The following C1orf21 variants were observed in gnomAD, a reference collection of about 807,000 sequenced individuals.
C1orf21 encodes the protein uncharacterized protein C1orf21.
A neutral mutation model predicts 18.7 loss-of-function variants in C1orf21; 3 were observed. That is an observed-to-expected ratio of 0.16 (90% CI 0.07 to 0.42). The LOEUF is 0.42. Ranked by LOEUF, C1orf21 falls within the 10% of genes least tolerant of loss-of-function variation. C1orf21 has a pLI of 0.99. For missense variants in C1orf21, 104 were observed against 143.6 expected, an observed-to-expected ratio of 0.72 and a Z score of 1.41; for synonymous variants, 41 against 46.4, an observed-to-expected ratio of 0.88 and a Z score of 0.47.
chr1:184,593,084 A>G (rs1449455581), intron 4 of C1orf21, among the ~76,000 whole-genome samples: 1 of 152,230 alleles, frequency 6.6e-6, no homozygotes, highest in Non-Finnish European at 1.5e-5. Flanking sequence ...GGATGTCTGA[A>G]AAATGCTATT....
intron 3 of C1orf21, among the ~76,000 whole-genome samples, chr1:184,543,353 A>G (rs1004785963): frequency 1.3e-5 from 2 of 152,174 alleles, no homozygotes; most frequent in Non-Finnish European, 2.9e-5. Context: ...AAGAAGAAAA[A>G]AAAAATCTTT....
intron 3 of C1orf21, among the ~76,000 whole-genome samples, chr1:184,510,300 CA>C (rs1235884856): frequency 6.6e-6 from 1 of 152,176 alleles, no homozygotes; most frequent in Non-Finnish European, 1.5e-5. Context: ...TTGCCTCTTG[CA>C]AAGAGAGTGC....
chr1:184,559,589 CCCTT>C lies in C1orf21; in HGVS notation c.190-31130_190-31127del, dbSNP rs35574574. Among the ~76,000 whole-genome samples the C allele has an allele frequency of 9.0e-3, 889 of 98,638 alleles. 25 individuals are homozygous for C. Among genetic ancestry groups the C allele is most frequent in the African/African-American group, 0.036 (754 of 20,692 alleles). The allele number at this position is 98,638 out of a possible 152,430, so 64.7% of individuals were successfully genotyped here. A position where few individuals can be genotyped will look rare whatever the true frequency, so the allele number is the denominator to read the frequency against. ...TCTTCCCCTCCCTCCCTCTCTTCCTCCCTTCCTTCCTTCCTTCCTTCCTCCCTCC... is the reference window on the plus strand; with the variant it reads ...TCTTCCCCTCCCTCCCTCTCTTCCTCCCTTCCTTCCTTCCTTCCTCCCTCC... On this transcript the variant is annotated intron_variant, in intron 3 of 5. Coordinates refer to ENST00000235307, the MANE Select transcript of C1orf21 (RefSeq NM_030806.4).
At chr1:184,521,666 T>A (rs1658308182) in intron 3 of C1orf21, among the ~76,000 whole-genome samples, 1 of 152,208 alleles carries the variant, frequency 6.6e-6, no homozygotes, top group Admixed American at 6.5e-5. Context: ...TTCTGTATGG[T>A]ACTGTAATGG....
chr1:184,604,748 G>A (rs920967435), intron 5 of C1orf21, among the ~76,000 whole-genome samples: 11 of 152,142 alleles, frequency 7.2e-5, no homozygotes, highest in Non-Finnish European at 1.3e-4. Flanking sequence ...GCATACTCTG[G>A]GCTTTAGGAT....
chr1:184,540,197 T>A (rs903263135), intron 3 of C1orf21: 1 of 152,224 alleles, frequency 6.6e-6, no homozygotes, highest in Admixed American at 6.5e-5. Context: ...GCATAATGCA[T>A]GTATCTTTTA....
chr1:184,516,982 G>A (rs947398065), intron 3 of C1orf21, among the ~76,000 whole-genome samples: 1 of 152,238 alleles, frequency 6.6e-6, no homozygotes, highest in Non-Finnish European at 1.5e-5. Context: ...AGCTGTGGTT[G>A]AAGCAGTACC....
chr1:184,465,935 C>T (rs77127988), intron 1 of C1orf21, among the ~76,000 whole-genome samples: 1 of 152,176 alleles, frequency 6.6e-6, no homozygotes, highest in East Asian at 1.9e-4. Flanking sequence ...CATCTTGACG[C>T]TGCACTGCCG....
chr1:184,462,633 A>G (rs1657324731), intron 1 of C1orf21, among the ~76,000 whole-genome samples: 1 of 152,164 alleles, frequency 6.6e-6, no homozygotes, highest in East Asian at 1.9e-4. Context: ...AGCAGCTGCT[A>G]TTCATATTTT....
At chr1:184,502,568 A>G (rs907500748) in intron 2 of C1orf21, among the ~76,000 whole-genome samples, 1 of 152,138 alleles carries the variant, frequency 6.6e-6, no homozygotes, top group Admixed American at 6.5e-5. Context: ...TCAGTAGTGA[A>G]TAAGGATACA....
intron 1 of C1orf21, among the ~76,000 whole-genome samples, chr1:184,423,365 A>G (rs1389452370): frequency 2.0e-5 from 3 of 152,312 alleles, no homozygotes; most frequent in Admixed American, 1.3e-4. Flanking sequence ...TTCATGATGG[A>G]GGATATATCC....
At chr1:184,462,647 G>A (rs538895663) in intron 1 of C1orf21, among the ~76,000 whole-genome samples, 1 of 151,934 alleles carries the variant, frequency 6.6e-6, no homozygotes, top group African/African-American at 2.4e-5. Context: ...ATATTTTTTT[G>A]GGGGGGAATA....
intron 3 of C1orf21, among the ~76,000 whole-genome samples, chr1:184,558,441 C>T (rs928951437): frequency 2.6e-5 from 4 of 152,138 alleles, no homozygotes; most frequent in African/African-American, 9.7e-5. Context: ...TTAAAGCACA[C>T]CTATCTTATA....
chr1:184,389,641 T>A (rs1461377419), intron 1 of C1orf21, among the ~76,000 whole-genome samples: 1 of 152,240 alleles, frequency 6.6e-6, no homozygotes, highest in Non-Finnish European at 1.5e-5. Flanking sequence ...TCTATTATAA[T>A]TTCCAAGTGA....
chr1:184,395,016 C>G (rs1429054949), intron 1 of C1orf21, among the ~76,000 whole-genome samples: 2 of 152,116 alleles, frequency 1.3e-5, no homozygotes, highest in Admixed American at 1.3e-4. Context: ...ATCCTTCTTC[C>G]CCTCTACTGT....
At position 184,411,989 on chromosome 1, in the gene C1orf21, A is replaced by G. The variant is rs554491137; in HGVS notation, c.-125+24621A>G. ...GAAACTGGGATGAAAAGGCTTTACA[A>G]TCTACCTCTGTCTCCCTTTATTGCA... On this transcript the variant is annotated intron_variant, in intron 1 of 5. Coordinates refer to ENST00000235307, the MANE Select transcript of C1orf21 (RefSeq NM_030806.4). The G allele has an allele frequency of 7.2e-5, 11 of 152,326 alleles. No individual in the cohort carries two copies. In the South Asian group the frequency reaches 1.0e-3, roughly 14 times the overall value. 9.4% of individuals were successfully genotyped at this position (152,326 alleles called of 1,614,324 possible).
intron 4 of C1orf21, among the ~76,000 whole-genome samples, chr1:184,593,286 T>C (rs1297875712): frequency 6.6e-6 from 1 of 152,084 alleles, no homozygotes; most frequent in Non-Finnish European, 1.5e-5. Flanking sequence ...TGTGTGTGTG[T>C]GTGTGTGTAC....
intron 3 of C1orf21, among the ~76,000 whole-genome samples, chr1:184,571,937 C>G (rs369964189): frequency 3.9e-5 from 6 of 152,162 alleles, no homozygotes; most frequent in African/African-American, 1.4e-4. Flanking sequence ...ATGCTTACCT[C>G]ATATAGTTGT....
chr1:184,580,265 C>G (rs564666845), intron 3 of C1orf21, among the ~76,000 whole-genome samples: 3 of 152,320 alleles, frequency 2.0e-5, no homozygotes, highest in Non-Finnish European at 2.9e-5. Flanking sequence ...CGTTTCATCT[C>G]CTGTTACAAT....
Sources: allele counts gnomAD v4.1 joint callset (sites outside exome capture counted in the v4.1 genomes callset), GRCh38; gene constraint gnomAD v4.1.1; transcripts MANE v1.5; gene names NCBI Gene and HGNC (gene_info 2026-07-23, HGNC 2026-07-21).